PDGFA: variants seen among roughly 807,000 people sequenced by gnomAD.
The protein encoded by PDGFA is platelet derived growth factor subunit A, also known as platelet-derived growth factor subunit A.
A neutral mutation model predicts 25.6 loss-of-function variants in PDGFA; 9 were observed. The ratio of observed to expected loss-of-function variants is 0.35; its 90% CI spans 0.21 to 0.61. The LOEUF is 0.61. Among genes scored for constraint, PDGFA ranks in the 20% least tolerant of loss-of-function variants. The pLI, the probability that PDGFA is intolerant of heterozygous loss-of-function variation, is 0.75. For synonymous variants in PDGFA, 133 were observed against 111.8 expected, an observed-to-expected ratio of 1.19 and a Z score of -1.20; for missense variants, 242 against 272.8, an observed-to-expected ratio of 0.89 and a Z score of 0.79.
chr7:506,175 C>A (rs1318462867), intron 4 of PDGFA, among the ~76,000 whole-genome samples: 174 of 107,258 alleles, frequency 1.6e-3, no homozygotes, highest in African/African-American at 2.2e-3. Context: ...GACTCTGTCT[C>A]AAAAAAAAAA....
intron 2 of PDGFA, among the ~76,000 whole-genome samples, chr7:516,251 G>C (rs1428425612): frequency 6.7e-6 from 1 of 149,836 alleles, no homozygotes; most frequent in Admixed American, 6.7e-5. Context: ...GGATTTCCTG[G>C]GTCAAGAAAC....
chr7:511,257 G>A (rs1363487745), intron 3 of PDGFA, among the ~76,000 whole-genome samples: 3 of 148,182 alleles, frequency 2.0e-5, no homozygotes, highest in African/African-American at 7.5e-5. Flanking sequence ...CGGAGGGGAG[G>A]GGAACTTAGT....
chr7:520,532 G>A (rs1489227552), upstream of PDGFA: 1 of 152,472 alleles, frequency 6.6e-6, no homozygotes, highest in Non-Finnish European at 1.5e-5. Context: ...CCCACCCTGG[G>A]ACCCCGCGCC....
chr7:504,684 C>T (rs1782482937), intron 4 of PDGFA, among the ~76,000 whole-genome samples: 1 of 152,232 alleles, frequency 6.6e-6, no homozygotes, highest in Non-Finnish European at 1.5e-5. Context: ...TGGGGATGGG[C>T]TCGGGCAGGG....
chr7:499,419 C>T (rs1238977865), intron 5 of PDGFA, among the ~76,000 whole-genome samples: 1 of 152,244 alleles, frequency 6.6e-6, no homozygotes, highest in Non-Finnish European at 1.5e-5. Context: ...CTCCTCTCTT[C>T]TAAAGAAACT....
chr7:513,518 G>GC lies in PDGFA; in HGVS notation c.161-1064dup, dbSNP rs534940136. Reference sequence around the variant, plus strand: ...GTCTCTTCCCATCTCCCTCCATCCTGCCCCCCCCACCATATAACCAAGGGT... The same window carrying GC: ...GTCTCTTCCCATCTCCCTCCATCCTGCCCCCCCCCACCATATAACCAAGGGT... On this transcript the variant is annotated intron_variant, in intron 2 of 5. Transcript: ENST00000402802. 6.0e-3 allele frequency: 902 copies of GC among 150,072 alleles called. 11 individuals are homozygous for GC. Among genetic ancestry groups the GC allele is most frequent in the African/African-American group, 0.018 (746 of 40,792 alleles). The allele number at this position is 150,072 out of a possible 1,614,324, so 9.3% of individuals were successfully genotyped here.
chr7:504,284 G>A (rs927859897), intron 4 of PDGFA, among the ~76,000 whole-genome samples: 2 of 152,056 alleles, frequency 1.3e-5, no homozygotes, highest in Admixed American at 6.5e-5. Flanking sequence ...CCTGTTGAGG[G>A]CCTGGGGTCG....
At chr7:515,184 G>A (rs963698306) in intron 2 of PDGFA, among the ~76,000 whole-genome samples, 3 of 152,188 alleles carry the variant, frequency 2.0e-5, no homozygotes, top group African/African-American at 4.8e-5. Context: ...GCCTGGAAGG[G>A]TTATAAAGGG....
intron 2 of PDGFA, chr7:513,562 T>G (rs1417130280): frequency 6.6e-6 from 1 of 151,204 alleles, no homozygotes; most frequent in East Asian, 2.0e-4. Context: ...GCGGAGACAG[T>G]GAGCCTCACA....
chr7:497,710 A>C (rs1782105962), exon 6 of PDGFA: 1 of 152,014 alleles, frequency 6.6e-6, no homozygotes, highest in Non-Finnish European at 1.5e-5. Flanking sequence ...GAGAAACACA[A>C]AGCCAGAAAC....
At chr7:514,468 C>T (rs1402542982) in intron 2 of PDGFA, among the ~76,000 whole-genome samples, 3 of 152,192 alleles carry the variant, frequency 2.0e-5, no homozygotes, top group East Asian at 1.9e-4. Context: ...GAGTGGACCA[C>T]GCTCACCAAA....
At chr7:503,605 G>A (rs1337555869) in intron 4 of PDGFA, among the ~76,000 whole-genome samples, 1 of 152,156 alleles carries the variant, frequency 6.6e-6, no homozygotes, top group Non-Finnish European at 1.5e-5. Context: ...CATCAGCAGG[G>A]CCCCCAGGGA....
rs530122095 is a variant in PDGFA at position 510,390 on chromosome 7, G to A, written c.453+419C>T. Among the ~76,000 whole-genome samples the A allele has an allele frequency of 9.2e-5, 14 of 151,852 alleles. No homozygotes were observed. In the South Asian group the frequency reaches 1.7e-3, roughly 18 times the overall value. On this transcript the variant is annotated intron_variant, in intron 4 of 5. Transcript: ENST00000402802. The stretch of plus-strand genomic sequence containing the variant: ...GAGGGACCCTGGCAACCCAGTAGGG[G>A]CGACCCTCAGGCCTGCGTGGGGCAG...
chr7:517,269 G>C lies in PDGFA; in HGVS notation c.160+125C>G. The C allele has an allele frequency of 3.1e-6, 1 of 319,490 alleles. No individual in the cohort carries two copies. Among genetic ancestry groups the C allele is most frequent in the Middle Eastern group, 9.1e-4 (1 of 1,096 alleles). 19.8% of individuals were successfully genotyped at this position (319,490 alleles called of 1,614,324 possible). A position where few individuals can be genotyped will look rare whatever the true frequency, so the allele number is the denominator to read the frequency against. The stretch of plus-strand genomic sequence containing the variant: ...CTGACTCATCCGCCCGGGCGCTTAT[G>C]GCTGGGGATTGGATTCTGACCTTTC... On this transcript the variant is annotated intron_variant, in intron 2 of 5. Coordinates refer to ENST00000402802, the Ensembl canonical transcript of PDGFA. The surrounding 1 kb of genome is among the most constrained non-coding windows in gnomAD (Gnocchi z 7.4).
In PDGFA at chr7:512,333, G is replaced by A. The variant is rs563196878; in HGVS notation, c.265+18C>T. 15 of 1,600,992 alleles carry A rather than the reference G, an allele frequency of 9.4e-6. No individual in the cohort carries two copies. Among genetic ancestry groups the A allele is most frequent in the Middle Eastern group, 1.7e-4 (1 of 5,772 alleles). On this transcript the variant is annotated intron_variant, in intron 3 of 5. Transcript: ENST00000402802. ...CTGACCCGGCCCTGCCCTGCCCATCGCGGCCTCCTGGACTCACCGATGCTT... is the reference window on the plus strand; with the variant it reads ...CTGACCCGGCCCTGCCCTGCCCATCACGGCCTCCTGGACTCACCGATGCTT...
At chr7:505,754 C>T (rs1782532917) in intron 4 of PDGFA, among the ~76,000 whole-genome samples, 1 of 152,200 alleles carries the variant, frequency 6.6e-6, no homozygotes, top group African/African-American at 2.4e-5. Context: ...GCCTGCACTC[C>T]TTCTCACCTC....
chr7:508,883 C>A (rs1425167762), intron 4 of PDGFA, among the ~76,000 whole-genome samples: 1 of 152,224 alleles, frequency 6.6e-6, no homozygotes, highest in African/African-American at 2.4e-5. Flanking sequence ...GAGACTGATG[C>A]CCCAACAGGC....
chr7:509,179 A>G (rs1471688037), intron 4 of PDGFA, among the ~76,000 whole-genome samples: 3 of 152,226 alleles, frequency 2.0e-5, no homozygotes, highest in Admixed American at 2.0e-4. Context: ...CCCAGGGAGG[A>G]AGGCCCTGCT....
At chr7:508,590 T>TAAAAAAAAAAAC (rs1275774675) in intron 4 of PDGFA, among the ~76,000 whole-genome samples, 33 of 130,954 alleles carry the variant, frequency 2.5e-4, no homozygotes, top group Admixed American at 5.0e-4. Context: ...AAAAAAAAAT[T>TAAAAAAAAAAAC]CTCAGCTGAG....
Sources: allele counts gnomAD v4.1 joint callset (sites outside exome capture counted in the v4.1 genomes callset), GRCh38; gene constraint gnomAD v4.1.1; non-coding constraint Gnocchi (gnomAD v3.1); transcripts MANE v1.5; gene names NCBI Gene and HGNC (gene_info 2026-07-23, HGNC 2026-07-21).